SPOCK3: variants seen among roughly 807,000 people sequenced by gnomAD.
SPOCK3 encodes SPARC (osteonectin), cwcv and kazal like domains proteoglycan 3, also known as testican-3.
Under a neutral mutation model 56.6 loss-of-function variants are expected in SPOCK3, and 30 were observed. The ratio of observed to expected loss-of-function variants is 0.53; its 90% confidence interval spans 0.40 to 0.72. The LOEUF is 0.72. SPOCK3 is among the 30% of genes least tolerant of loss of function. SPOCK3 has a pLI of 0.00. For synonymous variants in SPOCK3, 196 were observed against 183.3 expected (o/e 1.07, Z -0.56); for missense variants, 527 against 530.0 (o/e 0.99, Z 0.06).
At chr4:167,113,079 G>A (rs1333326579) in intron 2 of SPOCK3, among the ~76,000 whole-genome samples, 1 of 152,100 alleles carries the variant, frequency 6.6e-6, no homozygotes, top group Non-Finnish European at 1.5e-5. Context: ...AGGTCAACAT[G>A]TCAAGAGAAG....
chr4:166,781,376 G>A (rs1205981023), intron 7 of SPOCK3, among the ~76,000 whole-genome samples: 1 of 151,916 alleles, frequency 6.6e-6, no homozygotes, highest in African/African-American at 2.4e-5. Context: ...AAATACAATT[G>A]TTTGGGAGGA....
chr4:167,019,456 T>C (rs980349359), intron 3 of SPOCK3, among the ~76,000 whole-genome samples: 1 of 151,728 alleles, frequency 6.6e-6, no homozygotes, highest in Admixed American at 6.6e-5. Flanking sequence ...GTTATAACCA[T>C]ATATAATTTA....
intron 2 of SPOCK3, among the ~76,000 whole-genome samples, chr4:167,217,355 G>GTTT (rs58611456): frequency 3.3e-5 from 5 of 150,380 alleles, no homozygotes; most frequent in African/African-American, 7.3e-5. Flanking sequence ...ATGTACAGAT[G>GTTT]TTTTTTTTTG....
At chr4:166,794,614 CTTTTT>C (rs1026682754) in intron 6 of SPOCK3, among the ~76,000 whole-genome samples, 11 of 143,416 alleles carry the variant, frequency 7.7e-5, no homozygotes, top group Admixed American at 6.2e-4. Context: ...GCAATTGTTT[CTTTTT>C]CTTTTTTTTT....
At chr4:167,121,620 A>G (rs1410973915) in intron 2 of SPOCK3, among the ~76,000 whole-genome samples, 1 of 152,180 alleles carries the variant, frequency 6.6e-6, no homozygotes, top group Non-Finnish European at 1.5e-5. Flanking sequence ...CCCTCATATT[A>G]TGTGACTGCA....
intron 10 of SPOCK3, among the ~76,000 whole-genome samples, chr4:166,737,162 A>C (rs930753964): frequency 5.9e-5 from 9 of 152,190 alleles, no homozygotes; most frequent in Admixed American, 3.9e-4. Context: ...AGGATGAATG[A>C]GAAAGGTCTG....
chr4:167,222,893 A>G (rs1736135421), intron 2 of SPOCK3, among the ~76,000 whole-genome samples: 1 of 128,334 alleles, frequency 7.8e-6, no homozygotes, highest in South Asian at 2.3e-4. Flanking sequence ...ATATGAATAT[A>G]TAAATATATA....
At chr4:166,939,680 G>A (rs1740832224) in intron 4 of SPOCK3, among the ~76,000 whole-genome samples, 2 of 152,170 alleles carry the variant, frequency 1.3e-5, no homozygotes, top group Admixed American at 6.5e-5. Flanking sequence ...CTCATTAACT[G>A]CTAACTGGTT....
At chr4:166,919,235 A>C (rs1248988097) in intron 4 of SPOCK3, among the ~76,000 whole-genome samples, 1 of 152,246 alleles carries the variant, frequency 6.6e-6, no homozygotes, top group Non-Finnish European at 1.5e-5. Context: ...TTACCAAGAA[A>C]TCAAAGCAAT....
intron 2 of SPOCK3, among the ~76,000 whole-genome samples, chr4:167,071,753 G>A (rs1275835343): frequency 6.6e-6 from 1 of 152,006 alleles, no homozygotes; most frequent in African/African-American, 2.4e-5. Context: ...TGGGATCGCT[G>A]GGTCAAATGG....
intron 2 of SPOCK3, among the ~76,000 whole-genome samples, chr4:167,102,956 T>C (rs1759791614): frequency 6.8e-6 from 1 of 147,490 alleles, no homozygotes. Context: ...AAGTCACTCC[T>C]TCTTTCTGCT....
chr4:166,850,899 C>T (rs1216343713), intron 6 of SPOCK3, among the ~76,000 whole-genome samples: 1 of 152,210 alleles, frequency 6.6e-6, no homozygotes, highest in Non-Finnish European at 1.5e-5. Flanking sequence ...GGAGGGGTGC[C>T]CACCATTGCC....
intron 6 of SPOCK3, among the ~76,000 whole-genome samples, chr4:166,824,731 A>G (rs910154114): frequency 1.3e-5 from 2 of 152,102 alleles, no homozygotes; most frequent in African/African-American, 4.8e-5. Flanking sequence ...AATAGAAAGA[A>G]TCTTCACTTT....
chr4:167,219,033 A>G (rs1240368909), intron 2 of SPOCK3, among the ~76,000 whole-genome samples: 1 of 152,146 alleles, frequency 6.6e-6, no homozygotes, highest in East Asian at 1.9e-4. Flanking sequence ...CTCAACTCCA[A>G]AAAAATATAT....
At chr4:166,979,667 G>A (rs1746363837) in intron 4 of SPOCK3, among the ~76,000 whole-genome samples, 1 of 152,004 alleles carries the variant, frequency 6.6e-6, no homozygotes. Context: ...GTTCCTTCCT[G>A]TCTCTTTTGT....
At chr4:167,070,716 TA>T (rs1756588692) in intron 2 of SPOCK3, among the ~76,000 whole-genome samples, 1 of 151,918 alleles carries the variant, frequency 6.6e-6, no homozygotes, top group Non-Finnish European at 1.5e-5. Context: ...CTCATCTTAT[TA>T]GGGGAAGAAT....
At chr4:167,004,774 A>C (rs1749301985) in intron 3 of SPOCK3, among the ~76,000 whole-genome samples, 1 of 152,196 alleles carries the variant, frequency 6.6e-6, no homozygotes, top group Non-Finnish European at 1.5e-5. Flanking sequence ...GTTTGGTGGC[A>C]CCACTGAACA....
At chr4:166,884,376 GA>G (rs780044061) in intron 6 of SPOCK3, among the ~76,000 whole-genome samples, 4,781 of 145,116 alleles carry the variant, frequency 0.033, 129 homozygotes, top group Non-Finnish European at 0.053. Context: ...AAAAAAAAAT[GA>G]AAAAAAAAAT....
intron 4 of SPOCK3, among the ~76,000 whole-genome samples, chr4:166,993,358 T>C (rs1363804680): frequency 6.6e-6 from 1 of 152,190 alleles, no homozygotes; most frequent in African/African-American, 2.4e-5. Flanking sequence ...ACTTCTGGTC[T>C]AAAGATCGTC....
Sources: allele counts gnomAD v4.1 joint callset (sites outside exome capture counted in the v4.1 genomes callset), GRCh38; gene constraint gnomAD v4.1.1; transcripts MANE v1.5; gene names NCBI Gene and HGNC (gene_info 2026-07-23, HGNC 2026-07-21).